PEAK1: variants seen among roughly 807,000 people sequenced by gnomAD.
PEAK1 encodes the protein pseudopodium enriched atypical kinase 1, also known as inactive tyrosine-protein kinase PEAK1.
In PEAK1, 54 loss-of-function variants were observed where a neutral mutation model predicts 124.7. That is an observed-to-expected ratio of 0.43 (90% CI 0.35 to 0.54). The LOEUF (loss-of-function observed/expected upper bound fraction) is 0.54, where lower values mean the gene tolerates loss of function less well. Among genes scored for constraint, PEAK1 ranks in the 20% least tolerant of loss-of-function variants. The probability of loss-of-function intolerance (pLI) is 0.01; values close to 1 mark genes in which losing one functional copy is unlikely to be tolerated. For synonymous variants in PEAK1, 719 were observed against 760.0 expected, an observed-to-expected ratio of 0.95 and a Z score of 0.89; for missense variants, 2,046 against 2,134.5, an observed-to-expected ratio of 0.96 and a Z score of 0.82.
In PEAK1 at chr15:77,118,192, T is replaced by A. The variant is rs1460315971; in HGVS notation, c.4078-2873A>T. 2.0e-5 allele frequency among the ~76,000 whole-genome samples: 3 copies of A among 152,134 alleles called. No individual in the cohort carries two copies. The East Asian group carries it at 5.8e-4, about 29-fold the overall frequency. On this transcript the variant is annotated intron_variant, in intron 9 of 9. Transcript: ENST00000682557. ...AGAGCAAAGGCAAAAGGGAGAAGAC[T>A]AGAGTGTAAAAGAGGAGGGAAAAAG...
chr15:77,299,981 T>C (rs2063704789), intron 2 of PEAK1, among the ~76,000 whole-genome samples: 1 of 152,204 alleles, frequency 6.6e-6, no homozygotes, highest in Non-Finnish European at 1.5e-5. Flanking sequence ...CCCTTCAAGG[T>C]GGCTTCTGCA....
At chr15:77,319,804 C>G (rs1205423027) in intron 2 of PEAK1, among the ~76,000 whole-genome samples, 1 of 152,106 alleles carries the variant, frequency 6.6e-6, no homozygotes, top group Non-Finnish European at 1.5e-5. Flanking sequence ...TTTATAGATG[C>G]ACCCATTTAG....
At chr15:77,382,552 G>C (rs1165308842) in intron 1 of PEAK1, among the ~76,000 whole-genome samples, 1 of 151,936 alleles carries the variant, frequency 6.6e-6, no homozygotes, top group Non-Finnish European at 1.5e-5. Context: ...TCTGCATTAG[G>C]CTCCCTCCTT....
intron 5 of PEAK1, among the ~76,000 whole-genome samples, chr15:77,268,551 C>T (rs1850570163): frequency 1.3e-5 from 2 of 151,460 alleles, no homozygotes; most frequent in South Asian, 4.2e-4. Context: ...ATTGGTGTTT[C>T]TGGGGAAGAA....
intron 2 of PEAK1, chr15:77,348,614 T>C (rs1567291456): frequency 1.0e-6 from 1 of 983,158 alleles, no homozygotes; most frequent in Non-Finnish European, 1.2e-6. Context: ...AAATCTTGCT[T>C]AATTCCTAAA....
chr15:77,183,357 T>C (rs1217856309), intron 6 of PEAK1, among the ~76,000 whole-genome samples: 1 of 152,194 alleles, frequency 6.6e-6, no homozygotes, highest in East Asian at 1.9e-4. Flanking sequence ...ACTCTACAAA[T>C]TGCAGGATTT....
chr15:77,256,815 T>C (rs1051331843), intron 5 of PEAK1, among the ~76,000 whole-genome samples: 3 of 152,150 alleles, frequency 2.0e-5, no homozygotes, highest in Admixed American at 6.6e-5. Flanking sequence ...CATGCTGGTG[T>C]GCTGCACCCA....
chr15:77,420,631 A>AAAAC, upstream of PEAK1: 2 of 378,148 alleles, frequency 5.3e-6, no homozygotes, highest in Non-Finnish European at 9.4e-6. Flanking sequence ...CAATAAAAAA[A>AAAAC]AAAAAACTAC....
intron 1 of PEAK1, among the ~76,000 whole-genome samples, chr15:77,365,875 C>T (rs553560198): frequency 9.1e-4 from 139 of 152,006 alleles, no homozygotes; most frequent in African/African-American, 3.2e-3. Flanking sequence ...ATTATGATTG[C>T]CCATCCTCAT....
At chr15:77,279,446 A>G (rs939087320) in intron 5 of PEAK1, among the ~76,000 whole-genome samples, 6 of 152,064 alleles carry the variant, frequency 3.9e-5, no homozygotes, top group Non-Finnish European at 7.4e-5. Flanking sequence ...GACCCCCAAT[A>G]ATTGGTTACC....
rs1210539405 is a variant in PEAK1 at position 77,206,326 on chromosome 15, C to A, written c.-114-24286G>T. 7.1e-3 allele frequency among the ~76,000 whole-genome samples: 1,052 copies of A among 148,092 alleles called. 12 individuals are homozygous for A. Among genetic ancestry groups the A allele is most frequent in the African/African-American group, 0.025 (1,002 of 39,628 alleles). ...CTTTATAGCAGCATGATTTATAGTC[C>A]TTTGGGTATATACCCAGTAATGGGA... On this transcript the variant is annotated intron_variant, in intron 6 of 9. Coordinates refer to ENST00000682557, the MANE Select transcript of PEAK1 (RefSeq NM_001385026.1).
At chr15:77,337,837 T>C in intron 2 of PEAK1, 2 of 985,296 alleles carry the variant, frequency 2.0e-6, no homozygotes, top group Non-Finnish European at 2.4e-6. Flanking sequence ...GCAATAGAGC[T>C]AAGAAGAGCA....
At chr15:77,323,957 C>A (rs1353581943) in intron 2 of PEAK1, among the ~76,000 whole-genome samples, 1 of 152,116 alleles carries the variant, frequency 6.6e-6, no homozygotes, top group Non-Finnish European at 1.5e-5. Context: ...TGGAACAGAA[C>A]AGAGCCCTCA....
rs1008796263 is a variant in PEAK1 at position 77,209,042 on chromosome 15, G to A, written c.-114-27002C>T. On this transcript the variant is annotated intron_variant, in intron 6 of 9. Coordinates refer to ENST00000682557, the MANE Select transcript of PEAK1 (RefSeq NM_001385026.1). ...GGAAGATTTGTCTACAGACTAGCAA[G>A]TAAACTGACAGTATAGATTCAACTA... is the stretch of plus-strand genomic sequence containing the variant. 3.3e-5 allele frequency among the ~76,000 whole-genome samples: 5 copies of A among 152,100 alleles called. No individual in the cohort carries two copies. In the South Asian group the frequency reaches 1.0e-3, roughly 32 times the overall value.
chr15:77,139,199 C>T (rs796704904), intron 8 of PEAK1, among the ~76,000 whole-genome samples: 3 of 152,308 alleles, frequency 2.0e-5, no homozygotes, highest in African/African-American at 7.2e-5. Flanking sequence ...CCTCCACATC[C>T]TGTCCCAGTG....
chr15:77,318,509 T>C (rs1324350912), intron 2 of PEAK1, among the ~76,000 whole-genome samples: 1 of 152,114 alleles, frequency 6.6e-6, no homozygotes, highest in Non-Finnish European at 1.5e-5. Flanking sequence ...GGAGAATTTC[T>C]AACAGAGCTG....
At chr15:77,192,851 AT>A (rs150639709) in intron 6 of PEAK1, among the ~76,000 whole-genome samples, 5,111 of 152,236 alleles carry the variant, frequency 0.034, 288 homozygotes, top group African/African-American at 0.12. Context: ...TGAAAAAAAA[AT>A]TCTTTATATT....
chr15:77,241,708 T>C (rs1026811476), intron 6 of PEAK1, among the ~76,000 whole-genome samples: 4 of 151,324 alleles, frequency 2.6e-5, no homozygotes, highest in Middle Eastern at 6.8e-3. Flanking sequence ...TAAAAAAAAA[T>C]AACTTTCAGA....
chr15:77,404,516 T>G, intron 1 of PEAK1: 1 of 520,338 alleles, frequency 1.9e-6, no homozygotes, highest in South Asian at 8.4e-5. Flanking sequence ...GAATAAAATA[T>G]ATCATTAAAA....
Sources: allele counts gnomAD v4.1 joint callset (sites outside exome capture counted in the v4.1 genomes callset), GRCh38; gene constraint gnomAD v4.1.1; transcripts MANE v1.5; gene names NCBI Gene and HGNC (gene_info 2026-07-23, HGNC 2026-07-21).